ARMH4: variants seen among roughly 807,000 people sequenced by gnomAD.
ARMH4 encodes armadillo like helical domain containing 4.
A neutral mutation model predicts 61.9 loss-of-function variants in ARMH4; 49 were observed. The observed-to-expected ratio is 0.79, with a 90% CI of 0.63 to 1.00. ARMH4 has a LOEUF of 1.00. Ranked by LOEUF, ARMH4 falls within the 50% of genes least tolerant of loss-of-function variation. The pLI is 0.00. For missense variants in ARMH4, 934 were observed against 930.0 expected (o/e 1.00, Z -0.06); for synonymous variants, 368 against 341.5 (o/e 1.08, Z -0.85).
intron 5 of ARMH4, among the ~76,000 whole-genome samples, chr14:58,032,611 G>C (rs542956953): frequency 6.6e-6 from 1 of 152,278 alleles, no homozygotes; most frequent in African/African-American, 2.4e-5. Context: ...CGCAGAAGAC[G>C]GGTGATTTCT....
intron 6 of ARMH4, 118 bp from the exon 7 acceptor site, chr14:58,005,300 T>C (rs1309189012): frequency 1.1e-5 from 15 of 1,323,778 alleles, no homozygotes; most frequent in Admixed American, 2.3e-5. Flanking sequence ...GTCTGCTTTG[T>C]TGTAAGATAA....
intron 5 of ARMH4, among the ~76,000 whole-genome samples, chr14:58,015,637 A>G (rs1393827418): frequency 1.3e-5 from 2 of 152,156 alleles, no homozygotes; most frequent in African/African-American, 4.8e-5. Context: ...TCGGTAAAAC[A>G]TTCAAGTTGC....
chr14:58,006,902 C>T (rs938877250), intron 6 of ARMH4, among the ~76,000 whole-genome samples: 3 of 149,854 alleles, frequency 2.0e-5, no homozygotes, highest in South Asian at 2.1e-4. Flanking sequence ...TAGAACTTAA[C>T]GTATAATAAA....
At position 58,013,875 on chromosome 14, in the gene ARMH4, A is replaced by G. The variant is rs114095185; in HGVS notation, c.2090-1725T>C. On this transcript the variant is annotated intron_variant, in intron 5 of 7. Coordinates refer to ENST00000267485, the MANE Select transcript of ARMH4 (RefSeq NM_001001872.4). ...CCCGTCTCTACTAAAAATACAAAAA[A>G]AATTACCAAGGCGTGGTGGCAGACA... 5.2e-3 allele frequency among the ~76,000 whole-genome samples: 797 copies of G among 152,068 alleles called. 10 individuals carry two copies. The highest frequency in any genetic ancestry group is 0.019 in the African/African-American group (770 of 41,466).
At chr14:58,026,958 C>G (rs1358855128) in intron 5 of ARMH4, among the ~76,000 whole-genome samples, 1 of 152,210 alleles carries the variant, frequency 6.6e-6, no homozygotes, top group Non-Finnish European at 1.5e-5. Flanking sequence ...AAGCTCCCAC[C>G]TCCCTAGTGC....
At chr14:58,034,561 T>C (rs1883403118) in intron 5 of ARMH4, among the ~76,000 whole-genome samples, 1 of 99,570 alleles carries the variant, frequency 1.0e-5, no homozygotes, top group Non-Finnish European at 2.2e-5. Context: ...CAATATTAAC[T>C]TTAAATATAA....
intron 4 of ARMH4, among the ~76,000 whole-genome samples, chr14:58,107,562 G>A (rs376141953): frequency 1.6e-4 from 24 of 151,986 alleles, no homozygotes; most frequent in Admixed American, 6.6e-5. Flanking sequence ...TCAGGAGATC[G>A]AGACCATCCT....
intron 5 of ARMH4, among the ~76,000 whole-genome samples, chr14:58,020,255 C>A (rs1289488759): frequency 1.3e-5 from 2 of 151,906 alleles, no homozygotes; most frequent in Non-Finnish European, 2.9e-5. Context: ...GGCAGGTGGG[C>A]CAAGGAGACC....
At chr14:58,059,227 T>C in intron 5 of ARMH4, among the ~76,000 whole-genome samples, 1 of 152,190 alleles carries the variant, frequency 6.6e-6, no homozygotes, top group Non-Finnish European at 1.5e-5. Context: ...CTGGGCATCT[T>C]CAGAAACAGG....
At chr14:58,044,363 G>T (rs1003479975) in intron 5 of ARMH4, among the ~76,000 whole-genome samples, 4 of 152,136 alleles carry the variant, frequency 2.6e-5, no homozygotes, top group Admixed American at 2.6e-4. Context: ...AAGAAATGGG[G>T]AAAAGATTCC....
At chr14:58,104,751 C>T (rs1161647124) in intron 4 of ARMH4, among the ~76,000 whole-genome samples, 1 of 152,182 alleles carries the variant, frequency 6.6e-6, no homozygotes, top group Non-Finnish European at 1.5e-5. Context: ...AAAGGAAAGA[C>T]GGTCTTGTCC....
intron 5 of ARMH4, among the ~76,000 whole-genome samples, chr14:58,035,881 C>T (rs1179830789): frequency 7.1e-6 from 1 of 141,264 alleles, no homozygotes; most frequent in Non-Finnish European, 1.6e-5. Context: ...AGACCAATAA[C>T]GGGCTCTGAA....
chr14:58,075,647 A>G (rs1054017194), intron 5 of ARMH4, among the ~76,000 whole-genome samples: 1 of 152,162 alleles, frequency 6.6e-6, no homozygotes, highest in African/African-American at 2.4e-5. Context: ...GAAATACCTA[A>G]TGTAGATAAT....
intron 6 of ARMH4, among the ~76,000 whole-genome samples, chr14:58,011,027 C>A (rs986118651): frequency 6.6e-6 from 1 of 152,006 alleles, no homozygotes; most frequent in Non-Finnish European, 1.5e-5. Context: ...TTTCTTCCCC[C>A]CAAGTTTTTC....
intron 5 of ARMH4, among the ~76,000 whole-genome samples, chr14:58,072,511 G>C (rs1036617183): frequency 7.2e-5 from 11 of 152,034 alleles, no homozygotes; most frequent in African/African-American, 2.4e-4. Flanking sequence ...CTGAGGTCAG[G>C]AGTTCAAGAC....
At chr14:58,096,650 G>A in intron 5 of ARMH4, 74 bp downstream of exon 5, 3 of 1,506,276 alleles carry the variant, frequency 2.0e-6, no homozygotes, top group Non-Finnish European at 2.7e-6. Context: ...AGATGGCAAT[G>A]AAAGAAGGCT....
At chr14:58,097,102 T>G (rs1201244414) in intron 4 of ARMH4, 121 bp from the exon 5 acceptor site, 1 of 1,070,390 alleles carries the variant, frequency 9.3e-7, no homozygotes, top group East Asian at 2.4e-5. Flanking sequence ...AAACACATCT[T>G]TATAGCCAAA....
chr14:58,094,704 G>A (rs981487996), intron 5 of ARMH4, among the ~76,000 whole-genome samples: 1 of 152,216 alleles, frequency 6.6e-6, no homozygotes, highest in African/African-American at 2.4e-5. Flanking sequence ...TATACCATAT[G>A]ATGTCATTTG....
intron 5 of ARMH4, among the ~76,000 whole-genome samples, chr14:58,073,700 A>G (rs1035553837): frequency 6.6e-6 from 1 of 152,220 alleles, no homozygotes; most frequent in Non-Finnish European, 1.5e-5. Flanking sequence ...TACTAGCTCA[A>G]TGGAGTTCTT....
Sources: allele counts gnomAD v4.1 joint callset (sites outside exome capture counted in the v4.1 genomes callset), GRCh38; gene constraint gnomAD v4.1.1; transcripts MANE v1.5; gene names NCBI Gene and HGNC (gene_info 2026-07-23, HGNC 2026-07-21).